The following LYNX1 variants were observed in gnomAD, a reference collection of about 807,000 sequenced individuals.
LYNX1 encodes the protein Ly6/neurotoxin 1, also known as ly-6/neurotoxin-like protein 1.
LYNX1 carries 8 observed loss-of-function variants against 8.3 expected under a neutral mutation model. The ratio of observed to expected loss-of-function variants is 0.97; its 90% CI spans 0.57 to 1.74. The LOEUF (loss-of-function observed/expected upper bound fraction) is 1.74. LYNX1 is among the 40% of genes most tolerant of loss of function. The probability of loss-of-function intolerance (pLI) is 0.00; values close to 1 mark genes in which losing one functional copy is unlikely to be tolerated. For synonymous variants in LYNX1, 73 were observed against 67.9 expected (o/e 1.08, Z -0.37); for missense variants, 158 against 159.7 (o/e 0.99, Z 0.06).
Position 142,772,685 on chromosome 8 carries a change from T to A in LYNX1, c.*2482A>T. On this transcript the variant is annotated 3_prime_UTR_variant, in exon 4 of 4. Coordinates refer to ENST00000652477, the MANE Select transcript of LYNX1 (RefSeq NM_177477.4). ...CCACGTCCATCGCCACCTTGATGCA[T>A]ACAACCCGGACAAGTTTACTGCTGT... 13 of 985,636 alleles carry A rather than the reference T, an allele frequency of 1.3e-5. No homozygotes were observed. Among genetic ancestry groups the A allele is most frequent in the Non-Finnish European group, 1.6e-5 (13 of 830,078 alleles). 61.1% of individuals were successfully genotyped at this position (985,636 alleles called of 1,614,324 possible). A position where few individuals can be genotyped will look rare whatever the true frequency, so the allele number is the denominator to read the frequency against.
chr8:142,774,643 G>A lies in LYNX1; in HGVS notation c.*524C>T. 1 of 986,932 alleles carries A rather than the reference G, an allele frequency of 1.0e-6. No homozygotes were observed. The highest frequency in any genetic ancestry group is 1.2e-6 in the Non-Finnish European group (1 of 831,044). 61.1% of individuals were successfully genotyped at this position (986,932 alleles called of 1,614,324 possible). On this transcript the variant is annotated 3_prime_UTR_variant, in exon 4 of 4. Transcript: ENST00000652477. ...CCTAGCACAGGGGCCGGTGCCAAAG[G>A]CCCTCCTCCCACAGCCCTGATCCCG...
chr8:142,772,672 C>T lies in LYNX1; in HGVS notation c.*2495G>A. The T allele has an allele frequency of 2.0e-6, 2 of 985,588 alleles. No individual in the cohort carries two copies. Among genetic ancestry groups the T allele is most frequent in the African/African-American group, 1.7e-5 (1 of 57,360 alleles). The allele number at this position is 985,588 out of a possible 1,614,324, so 61.1% of individuals were successfully genotyped here. On this transcript the variant is annotated 3_prime_UTR_variant, in exon 4 of 4. Transcript: ENST00000652477. ...GCAGTGGGGGGACCCACGTCCATCG[C>T]CACCTTGATGCATACAACCCGGACA... is the stretch of plus-strand genomic sequence containing the variant.
chr8:142,773,884 C>T lies in LYNX1; in HGVS notation c.*1283G>A, dbSNP rs959962660. 6.1e-6 allele frequency: 6 copies of T among 985,304 alleles called. No individual in the cohort carries two copies. The highest frequency in any genetic ancestry group is 6.1e-5 in the Admixed American group (1 of 16,272). 61.0% of individuals were successfully genotyped at this position (985,304 alleles called of 1,614,324 possible). On this transcript the variant is annotated 3_prime_UTR_variant, in exon 4 of 4. Coordinates refer to ENST00000652477, the MANE Select transcript of LYNX1 (RefSeq NM_177477.4). ...GTGGGGGCCTCAGGTGCAGCGTGACCGCTGGCACCAAAAGGTCTCACGCCC... is the reference window on the plus strand; with the variant it reads ...GTGGGGGCCTCAGGTGCAGCGTGACTGCTGGCACCAAAAGGTCTCACGCCC...
At position 142,774,387 on chromosome 8, in the gene LYNX1, G is replaced by A. The variant is rs1160480030; in HGVS notation, c.*780C>T. On this transcript the variant is annotated 3_prime_UTR_variant, in exon 4 of 4. Coordinates refer to ENST00000652477, the MANE Select transcript of LYNX1 (RefSeq NM_177477.4). ...CTCCCTGCCCAGAATAGCGCTGGCCGGGTCAGCGTCCAGGACCCACCAAAT... is the reference window on the plus strand; with the variant it reads ...CTCCCTGCCCAGAATAGCGCTGGCCAGGTCAGCGTCCAGGACCCACCAAAT... 1.5e-5 allele frequency: 15 copies of A among 985,766 alleles called. No individual in the cohort carries two copies. The highest frequency in any genetic ancestry group is 1.1e-4 in the East Asian group (1 of 8,780). 61.1% of individuals were successfully genotyped at this position (985,766 alleles called of 1,614,324 possible). A position where few individuals can be genotyped will look rare whatever the true frequency, so the allele number is the denominator to read the frequency against.
chr8:142,775,532 G>A (rs1815376726), intron 3 of LYNX1, 61 bp downstream of exon 3: 4 of 1,555,442 alleles, frequency 2.6e-6, no homozygotes, highest in Non-Finnish European at 3.5e-6. Context: ...ATGCTCAGGG[G>A]CAGGGCAGAA....
chr8:142,774,252 C>T lies in LYNX1; in HGVS notation c.*915G>A, dbSNP rs892848. ...CGCGCCGGCCCCAGGCTGCTCCCAACCCCCAGCCTGTGCGCGCATCCCCCA... is the reference window on the plus strand; with the variant it reads ...CGCGCCGGCCCCAGGCTGCTCCCAATCCCCAGCCTGTGCGCGCATCCCCCA... On this transcript the variant is annotated 3_prime_UTR_variant, in exon 4 of 4. Coordinates refer to ENST00000652477, the MANE Select transcript of LYNX1 (RefSeq NM_177477.4). 820,019 of 984,990 alleles carry T rather than the reference C, an allele frequency of 0.83. 342,492 individuals carry two copies. Among genetic ancestry groups the T allele is most frequent in the Non-Finnish European group, 0.85 (701,852 of 829,838 alleles). The allele number at this position is 984,990 out of a possible 1,614,324, so 61.0% of individuals were successfully genotyped here. A position where few individuals can be genotyped will look rare whatever the true frequency, so the allele number is the denominator to read the frequency against.
rs962934492 is a variant in LYNX1, at chr8:142,773,204, C to G, written c.*1963G>C. The G allele has an allele frequency of 5.1e-5, 50 of 985,516 alleles. No homozygotes were observed. The highest frequency in any genetic ancestry group is 2.8e-4 in the South Asian group (6 of 21,298). 61.0% of individuals were successfully genotyped at this position (985,516 alleles called of 1,614,324 possible). A position where few individuals can be genotyped will look rare whatever the true frequency, so the allele number is the denominator to read the frequency against. ...GGTAAGCATCCCAAGGCATCGCTGG[C>G]TGCAGCTGAGAGGGCCTCATTTGGG... On this transcript the variant is annotated 3_prime_UTR_variant, in exon 4 of 4. Coordinates refer to ENST00000652477, the MANE Select transcript of LYNX1 (RefSeq NM_177477.4).
Position 142,771,750 on chromosome 8 carries a change from A to C in LYNX1, c.*3417T>G, listed in dbSNP as rs587775388. ...AGTTATGAACCAAATCGCCTTCATG[A>C]GAGATGACGAATCAGATGCTACATA... On this transcript the variant is annotated 3_prime_UTR_variant, in exon 4 of 4. Coordinates refer to ENST00000652477, the MANE Select transcript of LYNX1 (RefSeq NM_177477.4). The C allele has an allele frequency of 1.9e-5, 19 of 985,768 alleles. No individual in the cohort carries two copies. The African/African-American group carries it at 3.1e-4, about 16-fold the overall frequency. The allele number at this position is 985,768 out of a possible 1,614,324, so 61.1% of individuals were successfully genotyped here. A position where few individuals can be genotyped will look rare whatever the true frequency, so the allele number is the denominator to read the frequency against.
chr8:142,774,149 T>TTGC lies in LYNX1; in HGVS notation c.*1017_*1018insGCA. On this transcript the variant is annotated 3_prime_UTR_variant, in exon 4 of 4. Transcript: ENST00000652477. ...CGGGGGAGGGGCTGGGTCTCCGCCC[T>TTGC]CCCCACCCCACCCTCCCCACTCCCG... The TTGC allele has an allele frequency of 8.7e-5, 63 of 724,558 alleles. No individual in the cohort carries two copies. Among genetic ancestry groups the TTGC allele is most frequent in the East Asian group, 1.6e-4 (1 of 6,198 alleles). The allele number at this position is 724,558 out of a possible 1,614,324, so 44.9% of individuals were successfully genotyped here.
Position 142,774,149 on chromosome 8 carries a change from T to TTGGC in LYNX1, c.*1017_*1018insGCCA. Reference sequence around the variant, plus strand: ...CGGGGGAGGGGCTGGGTCTCCGCCCTCCCCACCCCACCCTCCCCACTCCCG... The same window carrying TTGGC: ...CGGGGGAGGGGCTGGGTCTCCGCCCTTGGCCCCCACCCCACCCTCCCCACTCCCG... On this transcript the variant is annotated 3_prime_UTR_variant, in exon 4 of 4. Coordinates refer to ENST00000652477, the MANE Select transcript of LYNX1 (RefSeq NM_177477.4). 1 of 725,178 alleles carries TTGGC rather than the reference T, an allele frequency of 1.4e-6. No individual in the cohort carries two copies. Among genetic ancestry groups the TTGGC allele is most frequent in the Non-Finnish European group, 1.6e-6 (1 of 608,386 alleles). The allele number at this position is 725,178 out of a possible 1,614,324, so 44.9% of individuals were successfully genotyped here.
Position 142,773,015 on chromosome 8 carries a change from C to A in LYNX1, c.*2152G>T. ...GAGCCATGGGTGGCCAGGTCTCCTC[C>A]CCATCACCCCACTGAGACTCGAGAC... On this transcript the variant is annotated 3_prime_UTR_variant, in exon 4 of 4. Transcript: ENST00000652477. The A allele has an allele frequency of 1.0e-6, 1 of 985,616 alleles. No individual in the cohort carries two copies. Among genetic ancestry groups the A allele is most frequent in the Non-Finnish European group, 1.2e-6 (1 of 830,054 alleles). 61.1% of individuals were successfully genotyped at this position (985,616 alleles called of 1,614,324 possible).
chr8:142,776,091 G>A lies in LYNX1; in HGVS notation c.-134C>T, dbSNP rs1815413981. On this transcript the variant is annotated 5_prime_UTR_variant, in exon 2 of 4. Coordinates refer to ENST00000652477, the MANE Select transcript of LYNX1 (RefSeq NM_177477.4). ...GACGTGGGGCCGGCCCTGCCTCCCGGAGCTCCTGGTCTACTGGGAGTGCTG... is the reference window on the plus strand; with the variant it reads ...GACGTGGGGCCGGCCCTGCCTCCCGAAGCTCCTGGTCTACTGGGAGTGCTG... 1 of 1,024,056 alleles carries A rather than the reference G, an allele frequency of 9.8e-7. No individual in the cohort carries two copies. Among genetic ancestry groups the A allele is most frequent in the African/African-American group, 1.6e-5 (1 of 63,110 alleles). 63.4% of individuals were successfully genotyped at this position (1,024,056 alleles called of 1,614,324 possible).
Position 142,775,323 on chromosome 8 carries a change from C to G in LYNX1, c.195G>C (p.Val65=). The G allele has an allele frequency of 6.2e-7, 1 of 1,613,908 alleles. No individual in the cohort carries two copies. Among genetic ancestry groups the G allele is most frequent in the Non-Finnish European group, 8.5e-7 (1 of 1,179,980 alleles). The change falls in exon 4 of 4, where the codon GTG becomes GTC. Residue 65 remains valine (V), a synonymous_variant. Transcript: ENST00000652477. Reference sequence around the variant, plus strand: ...CATACACAGTCTCGAAGCAGCGGGGCACGCAGGACTTACTGACCTTCATCC... The same window carrying G: ...CATACACAGTCTCGAAGCAGCGGGGGACGCAGGACTTACTGACCTTCATCC... ...PTRMKVSKSC[V]PRCFETVYDG...
rs1460886606 is a variant in LYNX1, at chr8:142,774,246, T to C, written c.*921A>G. 2 of 984,088 alleles carry C rather than the reference T, an allele frequency of 2.0e-6. No homozygotes were observed. Among genetic ancestry groups the C allele is most frequent in the Non-Finnish European group, 2.4e-6 (2 of 829,648 alleles). 61.0% of individuals were successfully genotyped at this position (984,088 alleles called of 1,614,324 possible). On this transcript the variant is annotated 3_prime_UTR_variant, in exon 4 of 4. Transcript: ENST00000652477. ...CAGGCCCGCGCCGGCCCCAGGCTGC[T>C]CCCAACCCCCAGCCTGTGCGCGCAT...
In LYNX1 at chr8:142,772,374, C is replaced by T; in HGVS notation, c.*2793G>A. ...GGCAGCGCTGGAGGCCTTACTCTAC[C>T]ACTCAGGGCTTCTCAAACCTCTGGT... is the stretch of plus-strand genomic sequence containing the variant. On this transcript the variant is annotated 3_prime_UTR_variant, in exon 4 of 4. Coordinates refer to ENST00000652477, the MANE Select transcript of LYNX1 (RefSeq NM_177477.4). The T allele has an allele frequency of 4.1e-6, 4 of 985,540 alleles. No homozygotes were observed. Among genetic ancestry groups the T allele is most frequent in the Non-Finnish European group, 4.8e-6 (4 of 829,966 alleles). The allele number at this position is 985,540 out of a possible 1,614,324, so 61.0% of individuals were successfully genotyped here.
upstream of LYNX1, chr8:142,777,782 G>A: frequency 2.5e-6 from 1 of 398,086 alleles, no homozygotes; most frequent in Non-Finnish European, 4.4e-6. Flanking sequence ...ACACTCCGCA[G>A]GCTATCTTCA....
rs587677961 is a variant in LYNX1, at chr8:142,772,087, C to T, written c.*3080G>A. 4.1e-6 allele frequency: 4 copies of T among 986,366 alleles called. No individual in the cohort carries two copies. Among genetic ancestry groups the T allele is most frequent in the South Asian group, 4.7e-5 (1 of 21,338 alleles). The allele number at this position is 986,366 out of a possible 1,614,324, so 61.1% of individuals were successfully genotyped here. ...TATAACATCCCAGGGTGCCAGAGCC[C>T]GCCCAAGCAGCCACTCCTGTCCAGT... On this transcript the variant is annotated 3_prime_UTR_variant, in exon 4 of 4. Transcript: ENST00000652477.
At chr8:142,777,824 A>T (rs954483256), upstream of LYNX1, 6 of 398,638 alleles carry the variant, frequency 1.5e-5, no homozygotes, top group African/African-American at 1.2e-4. Flanking sequence ...CCTTCCCCGC[A>T]GCCGCCTCCG....
chr8:142,772,268 A>G lies in LYNX1; in HGVS notation c.*2899T>C. On this transcript the variant is annotated 3_prime_UTR_variant, in exon 4 of 4. Coordinates refer to ENST00000652477, the MANE Select transcript of LYNX1 (RefSeq NM_177477.4). ...AAGGGGACCCTCGGTTCTGCGAGAG[A>G]GATCCCCGAAGTGGGAACTGGGCCC... 1.0e-6 allele frequency: 1 copy of G among 985,898 alleles called. No homozygotes were observed. Among genetic ancestry groups the G allele is most frequent in the African/African-American group, 1.7e-5 (1 of 57,340 alleles). 61.1% of individuals were successfully genotyped at this position (985,898 alleles called of 1,614,324 possible). A position where few individuals can be genotyped will look rare whatever the true frequency, so the allele number is the denominator to read the frequency against.
Sources: allele counts gnomAD v4.1 joint callset, GRCh38; gene constraint gnomAD v4.1.1; transcripts MANE v1.5; gene names NCBI Gene and HGNC (gene_info 2026-07-23, HGNC 2026-07-21).